Variants in ELOC observed in about 807,000 individuals in gnomAD.
ELOC encodes the protein elongin-C.
For synonymous variants in ELOC, 40 were observed against 51.3 expected (o/e 0.78, Z 0.94); for missense variants, 38 against 139.0 (o/e 0.27, Z 3.65).
chr8:73,967,758 G>A (rs1163946383), intron 1 of ELOC, among the ~76,000 whole-genome samples: 1 of 152,174 alleles, frequency 6.6e-6, no homozygotes, highest in Non-Finnish European at 1.5e-5. Flanking sequence ...GTGAGCCACT[G>A]CATCCGGCCT....
At chr8:73,967,497 C>T (rs553567808) in intron 1 of ELOC, among the ~76,000 whole-genome samples, 35 of 135,992 alleles carry the variant, frequency 2.6e-4, no homozygotes, top group Non-Finnish European at 5.0e-4. Context: ...GACAGAGTTT[C>T]GCTCTTGTTA....
rs763288548 is a variant in ELOC at position 73,955,799 on chromosome 8, CAAT to C, written c.148+109_148+111del. Reference sequence around the variant, plus strand: ...AAAGAACAAAAACATAATCATACAACAATGTTAGAAGACTTATTTTCTCTTTAA... The same window carrying C: ...AAAGAACAAAAACATAATCATACAACGTTAGAAGACTTATTTTCTCTTTAA... On this transcript the variant is annotated intron_variant, in intron 3 of 3. Coordinates refer to ENST00000520242, the MANE Select transcript of ELOC (RefSeq NM_005648.4). 6.0e-5 allele frequency: 73 copies of C among 1,206,914 alleles called. No individual in the cohort carries two copies. The African/African-American group carries it at 6.3e-4, about 10-fold the overall frequency. The allele number at this position is 1,206,914 out of a possible 1,614,324, so 74.8% of individuals were successfully genotyped here.
rs34453392 is a variant in ELOC at position 73,955,035 on chromosome 8, GAAAAAAAAA to G, written c.148+867_148+875del. On this transcript the variant is annotated intron_variant, in intron 3 of 3. Coordinates refer to ENST00000520242, the MANE Select transcript of ELOC (RefSeq NM_005648.4). ...GGTGACAGAGTGAGACTCCATCTCG[GAAAAAAAAA>G]AAAAAAAAAAAAAGGCTGACTATGG... Among the ~76,000 whole-genome samples the G allele has an allele frequency of 2.2e-4, 14 of 62,984 alleles. 1 individual carries two copies. The highest frequency in any genetic ancestry group is 3.4e-4 in the Non-Finnish European group (12 of 35,100). The allele number at this position is 62,984 out of a possible 152,430, so 41.3% of individuals were successfully genotyped here. A position where few individuals can be genotyped will look rare whatever the true frequency, so the allele number is the denominator to read the frequency against.
In ELOC at chr8:73,946,522, T is replaced by C. The variant is rs1563667790; in HGVS notation, c.*108A>G. 1 of 838,496 alleles carries C rather than the reference T, an allele frequency of 1.2e-6. No homozygotes were observed. The highest frequency in any genetic ancestry group is 2.7e-5 in the East Asian group (1 of 36,838). The allele number at this position is 838,496 out of a possible 1,614,324, so 51.9% of individuals were successfully genotyped here. A position where few individuals can be genotyped will look rare whatever the true frequency, so the allele number is the denominator to read the frequency against. On this transcript the variant is annotated 3_prime_UTR_variant, in exon 4 of 4. Transcript: ENST00000520242. ...ATAATCTGCTTTGCAATGAACTTTATATAGTTCAACTGCATACAGGCAACA... is the reference window on the plus strand; with the variant it reads ...ATAATCTGCTTTGCAATGAACTTTACATAGTTCAACTGCATACAGGCAACA...
intron 1 of ELOC, among the ~76,000 whole-genome samples, chr8:73,967,402 G>A (rs1815062074): frequency 6.6e-6 from 1 of 151,802 alleles, no homozygotes; most frequent in Non-Finnish European, 1.5e-5. Context: ...ACGATTGAGT[G>A]TGGCTATGAT....
chr8:73,961,298 T>C (rs1814576618), intron 1 of ELOC, among the ~76,000 whole-genome samples: 1 of 152,220 alleles, frequency 6.6e-6, no homozygotes, highest in Admixed American at 6.5e-5. Context: ...ATTTTAGTTC[T>C]GGCCTTAAGA....
intron 3 of ELOC, among the ~76,000 whole-genome samples, chr8:73,953,414 C>A (rs150426639): frequency 1.3e-5 from 2 of 152,142 alleles, no homozygotes; most frequent in South Asian, 4.2e-4. Flanking sequence ...CAGTGGCTCA[C>A]GCTTGTAATC....
intron 1 of ELOC, chr8:73,970,472 G>C (rs766773999): frequency 6.6e-6 from 1 of 152,104 alleles, no homozygotes; most frequent in Non-Finnish European, 1.5e-5. Flanking sequence ...TTGAATGGTA[G>C]TTATCAAATT....
intron 1 of ELOC, among the ~76,000 whole-genome samples, chr8:73,971,012 G>C (rs1435110784): frequency 8.3e-6 from 1 of 121,132 alleles, no homozygotes; most frequent in African/African-American, 3.1e-5. Flanking sequence ...CCAGCCTCAG[G>C]ACAGAGCGAG....
chr8:73,956,412 AAC>A (rs1239659504), intron 2 of ELOC, among the ~76,000 whole-genome samples: 2 of 152,174 alleles, frequency 1.3e-5, no homozygotes, highest in African/African-American at 2.4e-5. Context: ...ATAAAAAATA[AAC>A]AGATTTATTA....
At chr8:73,963,779 C>G (rs1814769787) in intron 1 of ELOC, among the ~76,000 whole-genome samples, 1 of 152,110 alleles carries the variant, frequency 6.6e-6, no homozygotes, top group Non-Finnish European at 1.5e-5. Context: ...AAGAATACAA[C>G]TAGCTTAGAC....
chr8:73,956,507 A>G (rs552205935), intron 2 of ELOC, among the ~76,000 whole-genome samples: 1 of 152,342 alleles, frequency 6.6e-6, no homozygotes, highest in African/African-American at 2.4e-5. Context: ...ACAGTTTTTA[A>G]CTCCTTGTTT....
At position 73,966,641 on chromosome 8, in the gene ELOC, C is replaced by CT. The variant is rs75407672; in HGVS notation, c.-51+5435dup. ...CTGCTACCAAGCCCGGCTAAAATTT[C>CT]TTTTTTTTTTTTTTTTAAGTGGAGG... On this transcript the variant is annotated intron_variant, in intron 1 of 3. Coordinates refer to ENST00000520242, the MANE Select transcript of ELOC (RefSeq NM_005648.4). 2.8e-3 allele frequency among the ~76,000 whole-genome samples: 392 copies of CT among 137,842 alleles called. 1 individual carries two copies. Among genetic ancestry groups the CT allele is most frequent in the Middle Eastern group, 0.012 (3 of 260 alleles). 90.4% of individuals were successfully genotyped at this position (137,842 alleles called of 152,430 possible).
At chr8:73,961,106 T>C (rs1042319426) in intron 1 of ELOC, among the ~76,000 whole-genome samples, 8 of 152,232 alleles carry the variant, frequency 5.3e-5, no homozygotes, top group African/African-American at 1.4e-4. Context: ...TGAGAAATTA[T>C]AAATTTGACA....
At position 73,967,041 on chromosome 8, in the gene ELOC, G is replaced by C. The variant is rs142095367; in HGVS notation, c.-51+5036C>G. Among the ~76,000 whole-genome samples the C allele has an allele frequency of 2.0e-5, 3 of 152,264 alleles. No individual in the cohort carries two copies. In the East Asian group the frequency reaches 5.8e-4, roughly 29 times the overall value. Reference sequence around the variant, plus strand: ...GATAATACAGCATCTACCTCACAGAGCTGTTCTGAAGAATAAATGGCTTTA... The same window carrying C: ...GATAATACAGCATCTACCTCACAGACCTGTTCTGAAGAATAAATGGCTTTA... On this transcript the variant is annotated intron_variant, in intron 1 of 3. Transcript: ENST00000520242.
chr8:73,970,931 G>A (rs1341367385), intron 1 of ELOC, among the ~76,000 whole-genome samples: 6 of 149,090 alleles, frequency 4.0e-5, no homozygotes, highest in Admixed American at 6.8e-5. Flanking sequence ...CTGCTCCAGA[G>A]GCTGAGGCAG....
At chr8:73,952,363 A>C (rs12547656) in intron 3 of ELOC, among the ~76,000 whole-genome samples, 46,995 of 151,366 alleles carry the variant, frequency 0.31, 7,505 homozygotes, top group Admixed American at 0.39. Flanking sequence ...GCCGAGATTG[A>C]GCCACTGCAC....
intron 3 of ELOC, among the ~76,000 whole-genome samples, chr8:73,955,194 G>A (rs550576787): frequency 1.3e-4 from 20 of 152,232 alleles, no homozygotes; most frequent in Admixed American, 1.2e-3. Context: ...GGCCAGGCAT[G>A]CAAAAGGCTC....
chr8:73,948,999 AAC>A lies in ELOC; in HGVS notation c.149-2181_149-2180del, dbSNP rs1813572902. On this transcript the variant is annotated intron_variant, in intron 3 of 3. Transcript: ENST00000520242. ...TTCCTTTGTTTAACAGCATTTCATA[AAC>A]AGTTTTTCAGTCATTCTTCAAAATT... Among the ~76,000 whole-genome samples the A allele has an allele frequency of 7.9e-5, 12 of 152,360 alleles. 1 individual carries two copies. The South Asian group carries it at 2.5e-3, about 32-fold the overall frequency.
Sources: allele counts gnomAD v4.1 joint callset (sites outside exome capture counted in the v4.1 genomes callset), GRCh38; gene constraint gnomAD v4.1.1; transcripts MANE v1.5; gene names NCBI Gene and HGNC (gene_info 2026-07-23, HGNC 2026-07-21).